The following FAF1 variants were observed in gnomAD, a reference collection of about 807,000 sequenced individuals.
The protein encoded by FAF1 is FAS-associated factor 1.
In FAF1, 25 loss-of-function variants were observed where a neutral mutation model predicts 92.5. The observed-to-expected ratio is 0.27, with a 90% CI of 0.20 to 0.38. The LOEUF is 0.38. FAF1 is among the 10% of genes least tolerant of loss of function. The pLI, the probability that FAF1 is intolerant of heterozygous loss-of-function variation, is 1.00. For synonymous variants in FAF1, 234 were observed against 273.2 expected, an observed-to-expected ratio of 0.86 and a Z score of 1.42; for missense variants, 636 against 793.3, an observed-to-expected ratio of 0.80 and a Z score of 2.38.
At chr1:50,463,292 G>A (rs1646455459) in intron 18 of FAF1, among the ~76,000 whole-genome samples, 1 of 152,098 alleles carries the variant, frequency 6.6e-6, no homozygotes, top group Admixed American at 6.5e-5. Context: ...ACCCTTGGAA[G>A]GTTGTGCCTG....
chr1:50,710,909 ATTTG>A (rs1657896757), intron 6 of FAF1, among the ~76,000 whole-genome samples: 1 of 140,494 alleles, frequency 7.1e-6, no homozygotes, highest in African/African-American at 2.7e-5. Context: ...GCCAAGTGGC[ATTTG>A]TTTTTTTTTT....
intron 1 of FAF1, among the ~76,000 whole-genome samples, chr1:50,888,303 A>G (rs1232762343): frequency 6.6e-6 from 1 of 152,230 alleles, no homozygotes; most frequent in Non-Finnish European, 1.5e-5. Context: ...TTCTAAATAT[A>G]CAATCATGTC....
intron 1 of FAF1, among the ~76,000 whole-genome samples, chr1:50,958,542 G>C (rs1161375326): frequency 6.6e-6 from 1 of 152,092 alleles, no homozygotes; most frequent in Admixed American, 6.6e-5. Flanking sequence ...GCCAGGCGTG[G>C]TGGCCGGCGC....
At chr1:50,584,633 G>A (rs201818355) in intron 10 of FAF1, 52 bp downstream of exon 10, 190 of 1,564,058 alleles carry the variant, frequency 1.2e-4, no homozygotes, top group Non-Finnish European at 1.8e-5. Context: ...ATAAGTTTGT[G>A]TACTAGAAGA....
chr1:50,464,188 G>C (rs1274844688), intron 18 of FAF1, among the ~76,000 whole-genome samples: 1 of 152,026 alleles, frequency 6.6e-6, no homozygotes, highest in South Asian at 2.1e-4. Context: ...ATTTTTTATA[G>C]AGATGGGGGT....
At chr1:50,450,574 T>G (rs1329995106) in intron 18 of FAF1, among the ~76,000 whole-genome samples, 1 of 152,218 alleles carries the variant, frequency 6.6e-6, no homozygotes, top group Non-Finnish European at 1.5e-5. Flanking sequence ...CTAATGGGCT[T>G]TGGTGTTCCA....
chr1:50,816,347 G>A (rs1311682480), intron 2 of FAF1, among the ~76,000 whole-genome samples: 1 of 151,734 alleles, frequency 6.6e-6, no homozygotes, highest in African/African-American at 2.4e-5. Flanking sequence ...TGGGAGTACA[G>A]GCGCCTGCCA....
In FAF1 at chr1:50,454,575, T is replaced by C. The variant is rs112808077; in HGVS notation, c.1870-13052A>G. 3.1e-3 allele frequency among the ~76,000 whole-genome samples: 471 copies of C among 152,354 alleles called. 4 individuals are homozygous for C. Among genetic ancestry groups the C allele is most frequent in the African/African-American group, 0.011 (447 of 41,588 alleles). On this transcript the variant is annotated intron_variant, in intron 18 of 18. Coordinates refer to ENST00000396153, the MANE Select transcript of FAF1 (RefSeq NM_007051.3). ...CATTATCCTGCATGTGGTCAATCCA[T>C]GTTTACCGGACTAATACCTTTATTT...
intron 18 of FAF1, among the ~76,000 whole-genome samples, chr1:50,455,769 C>T (rs529021318): frequency 6.6e-6 from 1 of 152,230 alleles, no homozygotes; most frequent in South Asian, 2.1e-4. Flanking sequence ...AGACATGGTT[C>T]CCAGCTTAAC....
intron 8 of FAF1, among the ~76,000 whole-genome samples, chr1:50,596,911 C>G (rs1280737682): frequency 1.3e-5 from 2 of 152,066 alleles, no homozygotes; most frequent in East Asian, 3.8e-4. Flanking sequence ...TATTAAAAGT[C>G]CTTATAAACC....
intron 3 of FAF1, among the ~76,000 whole-genome samples, chr1:50,794,789 A>G (rs1363250789): frequency 3.2e-5 from 4 of 123,494 alleles, no homozygotes; most frequent in Admixed American, 1.7e-4. Context: ...TCACCCAGCT[A>G]TTTTTTTTTT....
chr1:50,800,302 A>G (rs1362689998), intron 3 of FAF1, among the ~76,000 whole-genome samples: 1 of 152,240 alleles, frequency 6.6e-6, no homozygotes, highest in Non-Finnish European at 1.5e-5. Flanking sequence ...GAACCCACAG[A>G]TTTTGCATAG....
chr1:50,523,309 A>G (rs1305936367), intron 15 of FAF1, among the ~76,000 whole-genome samples: 1 of 152,102 alleles, frequency 6.6e-6, no homozygotes, highest in Non-Finnish European at 1.5e-5. Flanking sequence ...TCAAATGGTT[A>G]CTCTATATTT....
chr1:50,472,930 C>T (rs1357697873), intron 18 of FAF1, among the ~76,000 whole-genome samples: 3 of 152,122 alleles, frequency 2.0e-5, no homozygotes, highest in African/African-American at 4.8e-5. Flanking sequence ...TCTCACCCCA[C>T]CCCTGGCTCT....
intron 6 of FAF1, among the ~76,000 whole-genome samples, chr1:50,715,937 T>TA (rs1451271046): frequency 8.5e-5 from 13 of 152,314 alleles, no homozygotes; most frequent in African/African-American, 3.1e-4. Context: ...AGCTTACATA[T>TA]ATCAAGTATT....
intron 7 of FAF1, among the ~76,000 whole-genome samples, chr1:50,699,470 T>C (rs938502799): frequency 1.3e-5 from 2 of 152,110 alleles, no homozygotes; most frequent in African/African-American, 2.4e-5. Flanking sequence ...AATTCACACT[T>C]AATGTACTTT....
At chr1:50,604,958 T>C (rs1652308501) in intron 8 of FAF1, among the ~76,000 whole-genome samples, 1 of 152,212 alleles carries the variant, frequency 6.6e-6, no homozygotes, top group Non-Finnish European at 1.5e-5. Context: ...TGACTTACTT[T>C]TTTGGTTTCT....
rs573019625 is a variant in FAF1, at chr1:50,723,783, A to C, written c.551+15080T>G. Among the ~76,000 whole-genome samples the C allele has an allele frequency of 2.6e-5, 4 of 152,018 alleles. No individual in the cohort carries two copies. In the East Asian group the frequency reaches 7.7e-4, roughly 29 times the overall value. On this transcript the variant is annotated intron_variant, in intron 6 of 18. Transcript: ENST00000396153. ...TTTTTTCTGAGACTGAGTTTCGCTC[A>C]GGTTGCCCAAGCTGGAGTGTAATGT... is the stretch of plus-strand genomic sequence containing the variant.
chr1:50,870,360 G>A (rs1191506526), intron 1 of FAF1, among the ~76,000 whole-genome samples: 2 of 152,210 alleles, frequency 1.3e-5, no homozygotes, highest in African/African-American at 4.8e-5. Flanking sequence ...GGAAGGCTGA[G>A]GCAAGAAAAT....
Sources: gnomAD v4.1 joint callset for allele counts (sites outside exome capture counted in the v4.1 genomes callset) on GRCh38, gnomAD v4.1.1 for gene constraint, MANE v1.5 for transcripts, NCBI Gene and HGNC (gene_info 2026-07-23, HGNC 2026-07-21) for gene names.